DCBLD1: variants seen among roughly 807,000 people sequenced by gnomAD.
DCBLD1 encodes the protein discoidin, CUB and LCCL domain-containing protein 1.
Under a neutral mutation model 71.5 loss-of-function variants are expected in DCBLD1, and 57 were observed. The observed-to-expected ratio is 0.80, with a 90% CI of 0.64 to 0.99. The LOEUF is 0.99. Ranked by LOEUF, DCBLD1 falls within the 50% of genes least tolerant of loss-of-function variation. The pLI is 0.00. For synonymous variants in DCBLD1, 380 were observed against 363.8 expected, an observed-to-expected ratio of 1.04 and a Z score of -0.51; for missense variants, 891 against 923.5, an observed-to-expected ratio of 0.96 and a Z score of 0.46.
intron 4 of DCBLD1, among the ~76,000 whole-genome samples, chr6:117,522,733 T>G (rs1397613694): frequency 6.6e-6 from 1 of 152,190 alleles, no homozygotes; most frequent in Non-Finnish European, 1.5e-5. Flanking sequence ...TATGACTCTC[T>G]AGAGTGCTTT....
intron 1 of DCBLD1, among the ~76,000 whole-genome samples, chr6:117,489,765 G>A (rs975093975): frequency 2.6e-5 from 4 of 152,110 alleles, no homozygotes; most frequent in Non-Finnish European, 4.4e-5. Context: ...GGTGCCTGTG[G>A]TCCCAGCTAC....
intron 2 of DCBLD1, among the ~76,000 whole-genome samples, chr6:117,511,340 G>T (rs980092628): frequency 6.6e-6 from 1 of 152,186 alleles, no homozygotes; most frequent in East Asian, 1.9e-4. Flanking sequence ...CTAAGAGGAG[G>T]CATGGTGGCC....
At chr6:117,566,848 T>G in intron 14 of DCBLD1, 1 of 1,536,258 alleles carries the variant, frequency 6.5e-7, no homozygotes, top group East Asian at 2.3e-5. Context: ...TTAGAGTGAT[T>G]TTTACCTTGT....
chr6:117,495,612 A>G (rs566710277), intron 1 of DCBLD1, among the ~76,000 whole-genome samples: 52 of 152,274 alleles, frequency 3.4e-4, no homozygotes, highest in African/African-American at 1.2e-3. Flanking sequence ...TGTAACCATT[A>G]TGCTCTGTCA....
At chr6:117,484,924 G>T (rs868243151) in intron 1 of DCBLD1, 3 of 152,138 alleles carry the variant, frequency 2.0e-5, no homozygotes, top group African/African-American at 4.8e-5. Context: ...TTTTAAAAAA[G>T]TGTCCACCCC....
intron 1 of DCBLD1, among the ~76,000 whole-genome samples, chr6:117,503,010 CT>C (rs1416234394): frequency 6.6e-6 from 1 of 152,160 alleles, no homozygotes; most frequent in Non-Finnish European, 1.5e-5. Context: ...GTTTAGACCC[CT>C]GATGTATATA....
At chr6:117,535,959 T>TTA (rs745327019) in intron 6 of DCBLD1, among the ~76,000 whole-genome samples, 13 of 152,182 alleles carry the variant, frequency 8.5e-5, no homozygotes, top group Non-Finnish European at 1.3e-4. Flanking sequence ...GGTGCCTGCA[T>TTA]TATATTCAGT....
chr6:117,540,627 C>CT, intron 9 of DCBLD1, 41 bp from the exon 10 acceptor site: 1 of 1,611,628 alleles, frequency 6.2e-7, no homozygotes, highest in Non-Finnish European at 8.5e-7. Flanking sequence ...CCTAAAAACT[C>CT]ACTAATAGAA....
Position 117,548,183 on chromosome 6 carries a change from A to G in DCBLD1, c.1892A>G (p.Lys631Arg). Reference sequence around the variant, plus strand: ...GTCCCAGGGCCCCAGCCCGGCCACAAACACTCCCTCTCCTCGGGCGGCTTC... The same window carrying G: ...GTCCCAGGGCCCCAGCCCGGCCACAGACACTCCCTCTCCTCGGGCGGCTTC... ...YRVPGPQPGHKHSLSSGGFSP... is the reference protein window; with the variant it reads ...YRVPGPQPGHRHSLSSGGFSP... The change falls in exon 15 of 15, where the codon AAA becomes AGA. Residue 631 changes from lysine to arginine, a missense_variant. By Grantham distance (26) the Lys-to-Arg change is conservative. Coordinates refer to ENST00000338728, the MANE Select transcript of DCBLD1 (RefSeq NM_001366458.2). 2 of 1,550,308 alleles carry G rather than the reference A, an allele frequency of 1.3e-6. No individual in the cohort carries two copies. The highest frequency in any genetic ancestry group is 1.7e-6 in the Non-Finnish European group (2 of 1,146,876).
At chr6:117,516,589 C>T (rs1490502242) in intron 2 of DCBLD1, among the ~76,000 whole-genome samples, 2 of 152,120 alleles carry the variant, frequency 1.3e-5, no homozygotes, top group Admixed American at 1.3e-4. Context: ...ACCAGAAGGG[C>T]AATGCTTAGT....
chr6:117,499,990 C>T lies in DCBLD1; in HGVS notation c.113-3777C>T, dbSNP rs147566497. Among the ~76,000 whole-genome samples the T allele has an allele frequency of 1.3e-4, 20 of 152,316 alleles. No individual in the cohort carries two copies. In the East Asian group the frequency reaches 3.7e-3, roughly 28 times the overall value. ...CTGAGATCGCACCACTGCACTCCAG[C>T]CTAGGCAACAAAAGCGAAAGTCCGT... On this transcript the variant is annotated intron_variant, in intron 1 of 14. Transcript: ENST00000338728.
intron 2 of DCBLD1, among the ~76,000 whole-genome samples, chr6:117,510,258 C>T (rs1055486592): frequency 1.3e-5 from 2 of 152,074 alleles, no homozygotes; most frequent in East Asian, 1.9e-4. Context: ...TACATTTTTA[C>T]AGTCGTTGAT....
intron 2 of DCBLD1, among the ~76,000 whole-genome samples, chr6:117,511,282 A>T (rs1413324802): frequency 6.6e-6 from 1 of 152,232 alleles, no homozygotes; most frequent in Non-Finnish European, 1.5e-5. Context: ...ACTTACGTAG[A>T]GTTCCAGTAT....
At chr6:117,516,490 A>T (rs145283516) in intron 2 of DCBLD1, among the ~76,000 whole-genome samples, 1 of 152,178 alleles carries the variant, frequency 6.6e-6, no homozygotes, top group East Asian at 1.9e-4. Context: ...GAAATTTGGC[A>T]TGTGAGGGTA....
intron 14 of DCBLD1, among the ~76,000 whole-genome samples, chr6:117,565,630 A>C (rs149260134): frequency 2.7e-3 from 410 of 152,280 alleles, no homozygotes; most frequent in Non-Finnish European, 4.3e-3. Flanking sequence ...CATCAATCTC[A>C]TCAGAAAAGC....
chr6:117,509,417 G>A (rs1016186667), intron 2 of DCBLD1, among the ~76,000 whole-genome samples: 8 of 152,076 alleles, frequency 5.3e-5, no homozygotes, highest in South Asian at 2.1e-4. Flanking sequence ...AGTGACAGAC[G>A]GAGACACTGT....
intron 2 of DCBLD1, among the ~76,000 whole-genome samples, chr6:117,514,784 A>G (rs1288535778): frequency 1.3e-5 from 2 of 152,142 alleles, no homozygotes; most frequent in Admixed American, 6.5e-5. Flanking sequence ...TTACATGCCT[A>G]TCATAACTGG....
At chr6:117,557,839 T>C (rs1233859494) in intron 14 of DCBLD1, among the ~76,000 whole-genome samples, 4 of 152,256 alleles carry the variant, frequency 2.6e-5, no homozygotes, top group African/African-American at 9.6e-5. Flanking sequence ...ATGTGCTAGC[T>C]AATTCTTACA....
chr6:117,483,813 A>G (rs1008677995), intron 1 of DCBLD1, among the ~76,000 whole-genome samples: 1 of 151,612 alleles, frequency 6.6e-6, no homozygotes, highest in African/African-American at 2.4e-5. Context: ...CGCTGAGTCT[A>G]TCCGGAGTAC....
Sources: allele counts gnomAD v4.1 joint callset (sites outside exome capture counted in the v4.1 genomes callset), GRCh38; gene constraint gnomAD v4.1.1; transcripts MANE v1.5; gene names NCBI Gene and HGNC (gene_info 2026-07-23, HGNC 2026-07-21).